CRB1: variants seen among roughly 807,000 people sequenced by gnomAD.
CRB1 encodes the protein crumbs cell polarity complex component 1.
Under a neutral mutation model 120.0 loss-of-function variants are expected in CRB1, and 83 were observed. That is an observed-to-expected ratio of 0.69 (90% CI 0.58 to 0.83). The LOEUF (loss-of-function observed/expected upper bound fraction) is 0.83. Among genes scored for constraint, CRB1 ranks in the 40% least tolerant of loss-of-function variants. The probability of loss-of-function intolerance (pLI) is 0.00; values close to 1 mark genes in which losing one functional copy is unlikely to be tolerated. For synonymous variants in CRB1, 625 were observed against 612.5 expected, an observed-to-expected ratio of 1.02 and a Z score of -0.30; for missense variants, 1,699 against 1,687.6, an observed-to-expected ratio of 1.01 and a Z score of -0.12.
At chr1:197,299,019 A>C (rs1373387984) in intron 1 of CRB1, among the ~76,000 whole-genome samples, 3 of 152,160 alleles carry the variant, frequency 2.0e-5, no homozygotes, top group Non-Finnish European at 4.4e-5. Flanking sequence ...ATTACATTAA[A>C]TTAACTATAA....
At chr1:197,334,582 T>A (rs1464593811) in intron 2 of CRB1, among the ~76,000 whole-genome samples, 1 of 152,178 alleles carries the variant, frequency 6.6e-6, no homozygotes, top group East Asian at 1.9e-4. Flanking sequence ...CCATCTTGGA[T>A]GTGGGGATTT....
the CRB1 span, among the ~76,000 whole-genome samples, chr1:197,229,572 G>T: frequency 6.6e-6 from 1 of 152,144 alleles, no homozygotes; most frequent in Non-Finnish European, 1.5e-5. Flanking sequence ...TGAGCATAGT[G>T]CCCAACAGGT....
At chr1:197,336,556 A>G (rs1240497633) in intron 2 of CRB1, among the ~76,000 whole-genome samples, 2 of 152,204 alleles carry the variant, frequency 1.3e-5, no homozygotes, top group Non-Finnish European at 2.9e-5. Context: ...TTTGCTCAGA[A>G]CTAGAGTCAT....
chr1:197,365,653 C>T lies in CRB1; in HGVS notation c.1171+8640C>T, dbSNP rs1253864594. On this transcript the variant is annotated intron_variant, in intron 5 of 11. Coordinates refer to ENST00000367400, the MANE Select transcript of CRB1 (RefSeq NM_201253.3). ...TTTTTTTTTTTTTTTATCAGTAGGG[C>T]TTTGTTTAATTCTCTTTGCCCATTC... is the stretch of plus-strand genomic sequence containing the variant. Among the ~76,000 whole-genome samples the T allele has an allele frequency of 2.4e-3, 264 of 109,994 alleles. 1 individual carries two copies. The highest frequency in any genetic ancestry group is 0.011 in the African/African-American group (253 of 23,310). The allele number at this position is 109,994 out of a possible 152,430, so 72.2% of individuals were successfully genotyped here.
intron 2 of CRB1, among the ~76,000 whole-genome samples, chr1:197,343,480 GT>G (rs201451870): frequency 1.1e-4 from 16 of 150,858 alleles, no homozygotes; most frequent in African/African-American, 2.9e-4. Flanking sequence ...GATAAGTACA[GT>G]TTTTTTTTAA....
intron 1 of CRB1, among the ~76,000 whole-genome samples, chr1:197,286,956 A>G (rs552281028): frequency 1.7e-4 from 26 of 151,930 alleles, no homozygotes; most frequent in Non-Finnish European, 3.1e-4. Context: ...CTTCATAGAG[A>G]ATTAGACATT....
chr1:197,362,576 G>A (rs907362137), intron 5 of CRB1, among the ~76,000 whole-genome samples: 1 of 151,854 alleles, frequency 6.6e-6, no homozygotes, highest in Non-Finnish European at 1.5e-5. Flanking sequence ...CACATTTAGG[G>A]TCATTATGTC....
intron 5 of CRB1, among the ~76,000 whole-genome samples, chr1:197,382,019 C>T (rs1013229212): frequency 1.4e-4 from 22 of 152,076 alleles, no homozygotes; most frequent in African/African-American, 5.3e-4. Flanking sequence ...TAAGGTGTGC[C>T]TAGCACTGAG....
intron 2 of CRB1, among the ~76,000 whole-genome samples, chr1:197,333,835 G>C (rs999670269): frequency 5.3e-5 from 8 of 152,184 alleles, no homozygotes; most frequent in Non-Finnish European, 1.2e-4. Flanking sequence ...ACCTGGCCTG[G>C]GAGAGTGGCC....
At chr1:197,433,754 G>A (rs1664989876) in intron 8 of CRB1, among the ~76,000 whole-genome samples, 1 of 152,084 alleles carries the variant, frequency 6.6e-6, no homozygotes, top group Non-Finnish European at 1.5e-5. Context: ...AATGCATAGA[G>A]GAATAATATG....
At chr1:197,371,752 G>A (rs1571416415) in intron 5 of CRB1, among the ~76,000 whole-genome samples, 1 of 152,140 alleles carries the variant, frequency 6.6e-6, no homozygotes, top group Admixed American at 6.5e-5. Flanking sequence ...TGCACAGACA[G>A]ATTTTTGTCG....
rs763534239 is a variant in CRB1 at position 197,421,850 on chromosome 1, T to C, written c.2022T>C (p.Asp674=). 10 of 1,614,114 alleles carry C rather than the reference T, an allele frequency of 6.2e-6. No individual in the cohort carries two copies. Among genetic ancestry groups the C allele is most frequent in the Non-Finnish European group, 8.5e-6 (10 of 1,180,054 alleles). Residue 674 remains aspartate, a synonymous_variant, in exon 6 of 12, where the codon GAT becomes GAC. Coordinates refer to ENST00000367400, the MANE Select transcript of CRB1 (RefSeq NM_201253.3). The part of the protein sequence containing the change: ...LNVKAGCVRK[D]WCESQPCQSR... The stretch of plus-strand genomic sequence containing the variant: ...TCAAGGCAGGCTGTGTGAGAAAGGA[T>C]TGGTGTGAAAGCCAACCTTGTCAAA...
At chr1:197,304,021 A>G (rs888853970) in intron 1 of CRB1, among the ~76,000 whole-genome samples, 7 of 152,180 alleles carry the variant, frequency 4.6e-5, no homozygotes, top group Non-Finnish European at 8.8e-5. Flanking sequence ...TTTAAATTAG[A>G]CATTGTGTTT....
chr1:197,257,196 G>A, the CRB1 span, among the ~76,000 whole-genome samples: 5 of 152,180 alleles, frequency 3.3e-5, no homozygotes, highest in South Asian at 1.0e-3. Context: ...CTGAGGGAAG[G>A]AGAAGAGAAA....
Position 197,438,690 on chromosome 1 carries a change from A to T in CRB1, c.3878+15A>T, listed in dbSNP as rs200217112. ...ACTGGAGAATGGTGAGTCACATTAG[A>T]GCCTTCTGGAAGAGAATTCTGAGCT... On this transcript the variant is annotated intron_variant, in intron 10 of 11. Coordinates refer to ENST00000367400, the MANE Select transcript of CRB1 (RefSeq NM_201253.3). 6.7e-5 allele frequency: 108 copies of T among 1,611,100 alleles called. No homozygotes were observed. In the African/African-American group the frequency reaches 1.3e-3, roughly 20 times the overall value.
chr1:197,205,905 GT>G, the CRB1 span, among the ~76,000 whole-genome samples: 2 of 149,448 alleles, frequency 1.3e-5, no homozygotes, highest in African/African-American at 4.9e-5. Flanking sequence ...TTTGTAGGCA[GT>G]TTTTAAATTA....
chr1:197,435,107 G>A lies in CRB1; in HGVS notation c.3244G>A (p.Val1082Met), dbSNP rs568002732. Residue 1082 changes from valine (V) to methionine (M), a missense_variant, in exon 9 of 12, where the codon GTG becomes ATG. Physicochemically the swap from Val to Met is conservative, Grantham distance 21. Coordinates refer to ENST00000367400, the MANE Select transcript of CRB1 (RefSeq NM_201253.3). ...TTTGAAGGATAATACAGATATTTAT[G>A]TGGGAGACAGAGCTATTGACAATAT... is the stretch of plus-strand genomic sequence containing the variant. ...NFLKDNTDIY[V>M]GDRAIDNIKG... 1 of 1,613,944 alleles carries A rather than the reference G, an allele frequency of 6.2e-7. No homozygotes were observed. Among genetic ancestry groups the A allele is most frequent in the African/African-American group, 1.3e-5 (1 of 75,032 alleles).
the CRB1 span, among the ~76,000 whole-genome samples, chr1:197,257,295 C>T: frequency 5.3e-5 from 8 of 152,116 alleles, no homozygotes; most frequent in East Asian, 1.9e-4. Context: ...GATGCCCGCC[C>T]GCTTTGGAGA....
intron 1 of CRB1, among the ~76,000 whole-genome samples, chr1:197,307,807 C>A (rs1390420000): frequency 6.6e-6 from 1 of 152,168 alleles, no homozygotes; most frequent in Non-Finnish European, 1.5e-5. Context: ...TGTAACTTAA[C>A]TATATAACTT....
Sources: gnomAD v4.1 joint callset for allele counts (sites outside exome capture counted in the v4.1 genomes callset) on GRCh38, gnomAD v4.1.1 for gene constraint, MANE v1.5 for transcripts, NCBI Gene and HGNC (gene_info 2026-07-23, HGNC 2026-07-21) for gene names.